Variants in TAF3 observed in about 807,000 individuals in gnomAD.
TAF3 encodes the protein TATA-box binding protein associated factor 3.
Under a neutral mutation model 80.6 loss-of-function variants are expected in TAF3, and 7 were observed. The observed-to-expected ratio is 0.09, with a 90% CI of 0.05 to 0.16. The LOEUF (loss-of-function observed/expected upper bound fraction) is 0.16, where lower values mean the gene tolerates loss of function less well. TAF3 is among the 10% of genes least tolerant of loss of function. The pLI is 1.00. For synonymous variants in TAF3, 444 were observed against 446.1 expected, an observed-to-expected ratio of 1.00 and a Z score of 0.06; for missense variants, 921 against 1,140.2, an observed-to-expected ratio of 0.81 and a Z score of 2.77.
chr10:7,840,854 CT>C (rs913492093), intron 2 of TAF3, among the ~76,000 whole-genome samples: 213 of 145,806 alleles, frequency 1.5e-3, no homozygotes, highest in Admixed American at 1.3e-3. Context: ...TTCTTTCTTT[CT>C]TTTTTTTTTT....
At chr10:7,882,638 G>C (rs919297122) in intron 2 of TAF3, among the ~76,000 whole-genome samples, 2 of 152,146 alleles carry the variant, frequency 1.3e-5, no homozygotes, top group African/African-American at 2.4e-5. Flanking sequence ...TTCTCCAACA[G>C]TCAGTGTCTA....
chr10:7,994,919 G>A (rs1417965671), intron 4 of TAF3, among the ~76,000 whole-genome samples: 2 of 141,336 alleles, frequency 1.4e-5, no homozygotes, highest in African/African-American at 5.3e-5. Context: ...AGGTTGCAGT[G>A]AGCCGAGATC....
chr10:7,849,812 T>C (rs1837009772), intron 2 of TAF3, among the ~76,000 whole-genome samples: 1 of 152,040 alleles, frequency 6.6e-6, no homozygotes, highest in Non-Finnish European at 1.5e-5. Context: ...CCCAAGTAGC[T>C]GGGACCACAG....
At chr10:7,961,150 A>G (rs1294754027) in intron 2 of TAF3, among the ~76,000 whole-genome samples, 1 of 152,184 alleles carries the variant, frequency 6.6e-6, no homozygotes, top group Non-Finnish European at 1.5e-5. Context: ...TGATATTAAC[A>G]AGACAGAAGC....
In TAF3 at chr10:7,965,045, A is replaced by C; in HGVS notation, c.1535A>C (p.Lys512Thr). Residue 512 changes from lysine (K) to threonine (T), a missense_variant, in exon 3 of 7, where the codon AAA (lysine) becomes ACA (threonine). Transcript: ENST00000344293. ...CCTCTCCACAAGGTGTATGAGGAGAAAACCAAGCTGCCTTCCTCCGTGGAG... is the reference window on the plus strand; with the variant it reads ...CCTCTCCACAAGGTGTATGAGGAGACAACCAAGCTGCCTTCCTCCGTGGAG... ...PEPLHKVYEE[K>T]TKLPSSVEVK... is the part of the protein sequence containing the mutation. The C allele has an allele frequency of 6.2e-7, 1 of 1,614,130 alleles. No individual in the cohort carries two copies. Among genetic ancestry groups the C allele is most frequent in the Non-Finnish European group, 8.5e-7 (1 of 1,180,044 alleles).
chr10:7,843,019 G>T lies in TAF3; in HGVS notation c.409+18459G>T, dbSNP rs187690004. ...TCTGACATGCTTTGCACCTGCTAGG[G>T]CGTAGTCTGTGTCTGTCTGGGGCTT... On this transcript the variant is annotated intron_variant, in intron 2 of 6. Coordinates refer to ENST00000344293, the MANE Select transcript of TAF3 (RefSeq NM_031923.4). Among the ~76,000 whole-genome samples, 561 of 152,282 alleles carry T rather than the reference G, an allele frequency of 3.7e-3. 3 individuals carry two copies. Among genetic ancestry groups the T allele is most frequent in the African/African-American group, 0.012 (511 of 41,552 alleles).
chr10:7,974,070 G>C (rs965948424), intron 3 of TAF3, among the ~76,000 whole-genome samples: 12 of 151,938 alleles, frequency 7.9e-5, no homozygotes, highest in Non-Finnish European at 1.5e-4. Flanking sequence ...GTAGGTTGTG[G>C]TGAGCCAAGA....
intron 2 of TAF3, among the ~76,000 whole-genome samples, chr10:7,943,193 G>A (rs1378411456): frequency 2.0e-5 from 3 of 152,290 alleles, no homozygotes; most frequent in South Asian, 2.1e-4. Context: ...TGCCTTTGCC[G>A]TTGCCTTGAA....
At chr10:7,849,051 G>T (rs1017636562) in intron 2 of TAF3, among the ~76,000 whole-genome samples, 3 of 152,186 alleles carry the variant, frequency 2.0e-5, no homozygotes, top group African/African-American at 7.2e-5. Flanking sequence ...GGGACAGGAG[G>T]CTAAACTCTA....
At chr10:7,863,524 A>G (rs1020755893) in intron 2 of TAF3, among the ~76,000 whole-genome samples, 2 of 148,360 alleles carry the variant, frequency 1.3e-5, no homozygotes, top group Non-Finnish European at 3.0e-5. Flanking sequence ...GAAGGAGAAT[A>G]GCTTGAACCT....
In TAF3 at chr10:7,965,567, C is replaced by T. The variant is rs754571654; in HGVS notation, c.2057C>T (p.Pro686Leu). ...AMLPSLLPVL[P>L]EKLFEEKEKV... ...CTGCCATCTTTGTTGCCAGTGCTTC[C>T]GGAAAAACTGTTTGAGGAGAAAGAG... Residue 686 changes from proline to leucine, a missense_variant, in exon 3 of 7, where the codon CCG (proline) becomes CTG (leucine). Pro to Leu is a moderately conservative substitution (Grantham distance 98, BLOSUM62 -3). This residue lies in a region of TAF3 where 743 missense variants were observed against 821.0 expected (regional missense o/e 0.90). Coordinates refer to ENST00000344293, the MANE Select transcript of TAF3 (RefSeq NM_031923.4). The T allele has an allele frequency of 2.5e-6, 4 of 1,594,352 alleles. No individual in the cohort carries two copies. Among genetic ancestry groups the T allele is most frequent in the South Asian group, 1.2e-5 (1 of 86,332 alleles).
At chr10:7,952,710 T>G (rs1838094568) in intron 2 of TAF3, among the ~76,000 whole-genome samples, 1 of 152,222 alleles carries the variant, frequency 6.6e-6, no homozygotes, top group Non-Finnish European at 1.5e-5. Context: ...TGCATCATAT[T>G]CACTCTACTA....
In TAF3 at chr10:7,964,314, T is replaced by C. The variant is rs532538242; in HGVS notation, c.804T>C (p.Phe268=). 1 of 1,614,182 alleles carries C rather than the reference T, an allele frequency of 6.2e-7. No individual in the cohort carries two copies. Among genetic ancestry groups the C allele is most frequent in the Admixed American group, 1.7e-5 (1 of 60,012 alleles). ...CAAAACCATTAGAAACAAAGTCATT[T>C]ACACCTAAAACAAAGACTAAAACTA... is the stretch of plus-strand genomic sequence containing the variant. ...PTAKPLETKS[F]TPKTKTKTSS... The change falls in exon 3 of 7, where the codon TTT becomes TTC. Residue 268 remains phenylalanine (F), a synonymous_variant. Transcript: ENST00000344293. The surrounding 1 kb of genome is among the most constrained non-coding windows in gnomAD (Gnocchi z 4.1).
chr10:7,889,579 G>T (rs1008550471), intron 2 of TAF3, among the ~76,000 whole-genome samples: 1 of 152,188 alleles, frequency 6.6e-6, no homozygotes, highest in African/African-American at 2.4e-5. Context: ...GCTAATGTAT[G>T]CCTCCTGTCC....
chr10:7,855,242 T>TCTCC (rs960069586), intron 2 of TAF3, among the ~76,000 whole-genome samples: 1 of 152,020 alleles, frequency 6.6e-6, no homozygotes, highest in Non-Finnish European at 1.5e-5. Flanking sequence ...TGGTTGAAAA[T>TCTCC]CTGTTTAAGA....
chr10:7,884,334 T>C (rs917728064), intron 2 of TAF3, among the ~76,000 whole-genome samples: 9 of 151,710 alleles, frequency 5.9e-5, no homozygotes, highest in Non-Finnish European at 1.3e-4. Context: ...ATCTAGGCTC[T>C]TCTTGTACTT....
At chr10:7,881,912 T>G (rs1837365849) in intron 2 of TAF3, among the ~76,000 whole-genome samples, 1 of 152,254 alleles carries the variant, frequency 6.6e-6, no homozygotes, top group South Asian at 2.1e-4. Flanking sequence ...CACCAGAGAC[T>G]TTATATGTTG....
At chr10:7,873,304 G>A (rs532597745) in intron 2 of TAF3, among the ~76,000 whole-genome samples, 1 of 152,066 alleles carries the variant, frequency 6.6e-6, no homozygotes, top group East Asian at 1.9e-4. Flanking sequence ...CTCTCTAACA[G>A]ACCTATTTTA....
chr10:7,847,620 A>C (rs997753143), intron 2 of TAF3, among the ~76,000 whole-genome samples: 1 of 151,386 alleles, frequency 6.6e-6, no homozygotes, highest in African/African-American at 2.4e-5. Context: ...ATTTTTTTTT[A>C]TTTCTGTAGA....
Sources: gnomAD v4.1 joint callset for allele counts (sites outside exome capture counted in the v4.1 genomes callset) on GRCh38, gnomAD v4.1.1 for gene constraint, gnomAD v4.1.1 regional missense constraint, Gnocchi (gnomAD v3.1) non-coding constraint, MANE v1.5 for transcripts, NCBI Gene and HGNC (gene_info 2026-07-23, HGNC 2026-07-21) for gene names.